HIKESHI: variants seen among roughly 807,000 people sequenced by gnomAD.
HIKESHI encodes the protein protein Hikeshi.
HIKESHI carries 13 observed loss-of-function variants against 25.7 expected under a neutral mutation model. That is an observed-to-expected ratio of 0.51 (90% confidence interval 0.33 to 0.80). The LOEUF (loss-of-function observed/expected upper bound fraction) is 0.80, where lower values mean the gene tolerates loss of function less well. Ranked by LOEUF, HIKESHI falls within the 30% of genes least tolerant of loss-of-function variation. HIKESHI has a pLI of 0.02. For synonymous variants in HIKESHI, 76 were observed against 78.7 expected (o/e 0.97, Z 0.18); for missense variants, 174 against 229.5 (o/e 0.76, Z 1.56).
At chr11:86,308,266 T>A (rs1447914336) in intron 2 of HIKESHI, among the ~76,000 whole-genome samples, 664 of 64,896 alleles carry the variant, frequency 0.01, 116 homozygotes, top group African/African-American at 0.018. Context: ...ACATATAAAA[T>A]GTGTATTATA....
At chr11:86,319,556 C>A (rs886364290) in intron 2 of HIKESHI, among the ~76,000 whole-genome samples, 2 of 151,850 alleles carry the variant, frequency 1.3e-5, no homozygotes, top group Non-Finnish European at 2.9e-5. Context: ...AGCACCCAGC[C>A]CCAAAATGAT....
intron 3 of HIKESHI, among the ~76,000 whole-genome samples, chr11:86,341,535 C>T (rs1413208986): frequency 1.3e-5 from 2 of 150,104 alleles, no homozygotes; most frequent in African/African-American, 4.9e-5. Flanking sequence ...TGCTCTGTCG[C>T]CTAGGCTGGA....
chr11:86,326,436 C>A, intron 2 of HIKESHI: 1 of 452,818 alleles, frequency 2.2e-6, no homozygotes, highest in Non-Finnish European at 4.4e-6. Flanking sequence ...TTACTTTCGG[C>A]CTTTCTGTTA....
At chr11:86,312,410 T>C (rs1164102874) in intron 2 of HIKESHI, among the ~76,000 whole-genome samples, 2 of 152,212 alleles carry the variant, frequency 1.3e-5, no homozygotes, top group Non-Finnish European at 2.9e-5. Flanking sequence ...TTCCATTTGC[T>C]TGGTAGATCT....
intron 2 of HIKESHI, among the ~76,000 whole-genome samples, chr11:86,316,682 A>G (rs1485186182): frequency 6.6e-6 from 1 of 151,924 alleles, no homozygotes; most frequent in Non-Finnish European, 1.5e-5. Flanking sequence ...TACCAGAGAA[A>G]ACAGAGATTC....
At chr11:86,322,990 A>C (rs922057041) in intron 2 of HIKESHI, among the ~76,000 whole-genome samples, 2 of 152,134 alleles carry the variant, frequency 1.3e-5, no homozygotes, top group Non-Finnish European at 2.9e-5. Flanking sequence ...GCACTTAGGG[A>C]GGCCGGGGCA....
chr11:86,336,412 C>T (rs12271224), intron 2 of HIKESHI, among the ~76,000 whole-genome samples: 1 of 152,164 alleles, frequency 6.6e-6, no homozygotes, highest in Non-Finnish European at 1.5e-5. Context: ...TGGATGGTGA[C>T]TGGGTCATGG....
rs547273792 is a variant in HIKESHI at position 86,345,644 on chromosome 11, A to G, written c.*6A>G. The G allele has an allele frequency of 1.3e-4, 203 of 1,510,284 alleles. 2 individuals carry two copies. The East Asian group carries it at 4.6e-3, about 34-fold the overall frequency. 93.6% of individuals were successfully genotyped at this position (1,510,284 alleles called of 1,614,324 possible). ...CTCTCTTTTGGAAAACATAATTTGA[A>G]TAAAATAATTTTTAATGGATTCTGA... On this transcript the variant is annotated 3_prime_UTR_variant, in exon 5 of 5. Coordinates refer to ENST00000278483, the MANE Select transcript of HIKESHI (RefSeq NM_016401.4).
chr11:86,323,666 G>A (rs71465627), intron 2 of HIKESHI, among the ~76,000 whole-genome samples: 23,334 of 152,214 alleles, frequency 0.15, 2,219 homozygotes, highest in Middle Eastern at 0.23. Flanking sequence ...CAGTGAAAAT[G>A]TTCTATCCTT....
chr11:86,325,061 C>A (rs1315428593), intron 2 of HIKESHI, among the ~76,000 whole-genome samples: 1 of 151,944 alleles, frequency 6.6e-6, no homozygotes, highest in African/African-American at 2.4e-5. Flanking sequence ...TGCCTATAGT[C>A]CCACTACTTG....
chr11:86,319,242 A>ATATATATTTTTT (rs1383589741), intron 2 of HIKESHI, among the ~76,000 whole-genome samples: 5 of 94,944 alleles, frequency 5.3e-5, no homozygotes, highest in African/African-American at 1.8e-4. Flanking sequence ...ATATATATAT[A>ATATATATTTTTT]TTTTTTTTTT....
chr11:86,320,938 T>A (rs1294960009), intron 2 of HIKESHI, among the ~76,000 whole-genome samples: 21 of 152,172 alleles, frequency 1.4e-4, no homozygotes, highest in Non-Finnish European at 2.9e-5. Context: ...GGTGTTCATT[T>A]TTTTCACTTT....
At chr11:86,307,018 T>C (rs1007570749) in intron 2 of HIKESHI, among the ~76,000 whole-genome samples, 2 of 144,976 alleles carry the variant, frequency 1.4e-5, no homozygotes, top group African/African-American at 2.5e-5. Context: ...AAAAAATATA[T>C]ATATATATAT....
chr11:86,345,645 T>A lies in HIKESHI; in HGVS notation c.*7T>A, dbSNP rs777738757. 2 of 1,502,866 alleles carry A rather than the reference T, an allele frequency of 1.3e-6. No homozygotes were observed. The highest frequency in any genetic ancestry group is 1.8e-6 in the Non-Finnish European group (2 of 1,098,108). The allele number at this position is 1,502,866 out of a possible 1,614,324, so 93.1% of individuals were successfully genotyped here. A position where few individuals can be genotyped will look rare whatever the true frequency, so the allele number is the denominator to read the frequency against. On this transcript the variant is annotated 3_prime_UTR_variant, in exon 5 of 5. Coordinates refer to ENST00000278483, the MANE Select transcript of HIKESHI (RefSeq NM_016401.4). The stretch of plus-strand genomic sequence containing the variant: ...TCTCTTTTGGAAAACATAATTTGAA[T>A]AAAATAATTTTTAATGGATTCTGAA...
At chr11:86,340,596 G>T (rs202238288) in intron 3 of HIKESHI, among the ~76,000 whole-genome samples, 1 of 151,508 alleles carries the variant, frequency 6.6e-6, no homozygotes, top group Non-Finnish European at 1.5e-5. Context: ...TTTTGATGGG[G>T]TTGTTTTTTT....
chr11:86,323,083 C>T (rs1054752305), intron 2 of HIKESHI, among the ~76,000 whole-genome samples: 6 of 152,022 alleles, frequency 3.9e-5, no homozygotes, highest in African/African-American at 1.4e-4. Flanking sequence ...CAAAAATTAG[C>T]TGATTGTAGT....
chr11:86,339,115 G>A (rs1947648776), intron 3 of HIKESHI, among the ~76,000 whole-genome samples: 1 of 151,882 alleles, frequency 6.6e-6, no homozygotes, highest in Admixed American at 6.6e-5. Context: ...GCGCGATCTC[G>A]GCTCACTGCA....
chr11:86,319,559 A>G (rs528235108), intron 2 of HIKESHI, among the ~76,000 whole-genome samples: 6 of 152,076 alleles, frequency 3.9e-5, no homozygotes, highest in African/African-American at 1.4e-4. Context: ...ACCCAGCCCC[A>G]AAATGATTTT....
intron 4 of HIKESHI, 52 bp from the exon 5 acceptor site, chr11:86,345,532 G>A: frequency 9.7e-7 from 1 of 1,030,086 alleles, no homozygotes; most frequent in Non-Finnish European, 1.5e-6. Context: ...GTTAATGAAA[G>A]ATCCTATTTT....
Sources: gnomAD v4.1 joint callset for allele counts (sites outside exome capture counted in the v4.1 genomes callset) on GRCh38, gnomAD v4.1.1 for gene constraint, MANE v1.5 for transcripts, NCBI Gene and HGNC (gene_info 2026-07-23, HGNC 2026-07-21) for gene names.